APLF: variants seen among roughly 807,000 people sequenced by gnomAD.
The protein encoded by APLF is aprataxin and PNKP like factor.
Under a neutral mutation model 55.6 loss-of-function variants are expected in APLF, and 61 were observed. The observed-to-expected ratio is 1.10, with a 90% CI of 0.89 to 1.36. The LOEUF is 1.36. Ranked by LOEUF, APLF falls within the 40% of genes most tolerant of loss-of-function variation. The probability of loss-of-function intolerance (pLI) is 0.00; values close to 1 mark genes in which losing one functional copy is unlikely to be tolerated. For missense variants in APLF, 611 were observed against 602.5 expected, an observed-to-expected ratio of 1.01 and a Z score of -0.15; for synonymous variants, 207 against 214.8, an observed-to-expected ratio of 0.96 and a Z score of 0.32.
chr2:68,544,350 A>G (rs374936957), intron 7 of APLF, among the ~76,000 whole-genome samples: 1 of 152,150 alleles, frequency 6.6e-6, no homozygotes, highest in African/African-American at 2.4e-5. Flanking sequence ...CTCTCTCACA[A>G]GTGTACAGTG....
chr2:68,475,246 C>T, intron 1 of APLF, among the ~76,000 whole-genome samples: 1 of 152,156 alleles, frequency 6.6e-6, no homozygotes, highest in East Asian at 1.9e-4. Flanking sequence ...ATGATGTTCT[C>T]ACACTTGTGC....
intron 6 of APLF, among the ~76,000 whole-genome samples, chr2:68,533,864 A>G (rs1264403595): frequency 6.6e-6 from 1 of 152,230 alleles, no homozygotes; most frequent in Non-Finnish European, 1.5e-5. Flanking sequence ...CATAGGGTGA[A>G]GACAGCAGTG....
At chr2:68,516,748 T>C (rs1203681622) in intron 5 of APLF, among the ~76,000 whole-genome samples, 1 of 148,784 alleles carries the variant, frequency 6.7e-6, no homozygotes, top group Non-Finnish European at 1.5e-5. Context: ...ACATCCAGGT[T>C]GCTGCGAGTG....
intron 8 of APLF, among the ~76,000 whole-genome samples, chr2:68,561,688 A>G (rs940022278): frequency 6.6e-6 from 1 of 152,060 alleles, no homozygotes; most frequent in Admixed American, 6.6e-5. Context: ...TTTAATGAGT[A>G]CTTTGATTAT....
chr2:68,526,249 T>G lies in APLF; in HGVS notation c.804+7T>G. 6.3e-7 allele frequency: 1 copy of G among 1,596,748 alleles called. No homozygotes were observed. The highest frequency in any genetic ancestry group is 8.5e-7 in the Non-Finnish European group (1 of 1,173,638). ...GTCTACCATTTCATCCAAGGTGATT[T>G]TAAAAAATTCATTATTTGATTGTTT... On this transcript the variant is annotated splice_region_variant and intron_variant, in intron 6 of 9. Transcript: ENST00000303795.
At chr2:68,493,533 G>A (rs750771195) in intron 2 of APLF, among the ~76,000 whole-genome samples, 4 of 152,222 alleles carry the variant, frequency 2.6e-5, no homozygotes, top group Admixed American at 6.5e-5. Context: ...AAGAAACTTC[G>A]TTTATCAAAA....
At chr2:68,493,061 T>G (rs11891981) in intron 2 of APLF, among the ~76,000 whole-genome samples, 1,626 of 152,284 alleles carry the variant, frequency 0.011, 35 homozygotes, top group African/African-American at 0.037. Flanking sequence ...GTAGTATTTT[T>G]TTGTTGTTGT....
chr2:68,578,743 T>G lies in APLF; in HGVS notation c.*721T>G, dbSNP rs189907595. 4.1e-6 allele frequency: 4 copies of G among 985,312 alleles called. No homozygotes were observed. In the East Asian group the frequency reaches 4.5e-4, roughly 112 times the overall value. The allele number at this position is 985,312 out of a possible 1,614,324, so 61.0% of individuals were successfully genotyped here. A position where few individuals can be genotyped will look rare whatever the true frequency, so the allele number is the denominator to read the frequency against. ...TCAAACTAAAGTCCTAGCTGATTATTTTAACTCTCAGTGTGCTGTCTTTAT... is the reference window on the plus strand; with the variant it reads ...TCAAACTAAAGTCCTAGCTGATTATGTTAACTCTCAGTGTGCTGTCTTTAT... On this transcript the variant is annotated 3_prime_UTR_variant, in exon 10 of 10. Coordinates refer to ENST00000303795, the MANE Select transcript of APLF (RefSeq NM_173545.3).
intron 8 of APLF, among the ~76,000 whole-genome samples, chr2:68,560,577 A>T (rs1390979694): frequency 6.6e-6 from 1 of 152,184 alleles, no homozygotes; most frequent in Non-Finnish European, 1.5e-5. Flanking sequence ...CATTAAAATC[A>T]GAATAATGTT....
intron 1 of APLF, among the ~76,000 whole-genome samples, chr2:68,472,697 G>A (rs1410863357): frequency 6.6e-6 from 1 of 152,078 alleles, no homozygotes; most frequent in Non-Finnish European, 1.5e-5. Flanking sequence ...TAGGTGGAGT[G>A]GGTGGTGTAA....
Position 68,538,027 on chromosome 2 carries a change from G to A in APLF, c.960G>A (p.Glu320=). The A allele has an allele frequency of 1.2e-6, 2 of 1,614,042 alleles. No homozygotes were observed. The highest frequency in any genetic ancestry group is 2.2e-5 in the East Asian group (1 of 44,886). The change falls in exon 7 of 10, where the codon GAG becomes GAA. Residue 320 remains glutamate (E), a synonymous_variant. Coordinates refer to ENST00000303795, the MANE Select transcript of APLF (RefSeq NM_173545.3). ...ATKRTPHKED[E]AMSCSENCSS... is the part of the protein sequence containing the mutation. Reference sequence around the variant, plus strand: ...AAAGAACACCACATAAAGAAGATGAGGCAATGAGCTGTTCTGAAAATTGTT... The same window carrying A: ...AAAGAACACCACATAAAGAAGATGAAGCAATGAGCTGTTCTGAAAATTGTT...
intron 9 of APLF, chr2:68,568,322 G>A: frequency 1.0e-6 from 1 of 985,034 alleles, no homozygotes; most frequent in East Asian, 1.1e-4. Flanking sequence ...GCATTTATAT[G>A]TGCATACAAA....
intron 1 of APLF, among the ~76,000 whole-genome samples, chr2:68,488,137 G>A (rs1676241398): frequency 6.6e-6 from 1 of 152,178 alleles, no homozygotes; most frequent in Admixed American, 6.5e-5. Context: ...AGCTTTATAT[G>A]CCATAGTTTT....
At chr2:68,549,610 G>A (rs553599453) in intron 8 of APLF, among the ~76,000 whole-genome samples, 1 of 152,212 alleles carries the variant, frequency 6.6e-6, no homozygotes, top group Admixed American at 6.5e-5. Flanking sequence ...ACTTACATGT[G>A]TATTCTCTAG....
intron 8 of APLF, among the ~76,000 whole-genome samples, chr2:68,551,130 A>T (rs1191778574): frequency 6.6e-6 from 1 of 152,068 alleles, no homozygotes; most frequent in African/African-American, 2.4e-5. Flanking sequence ...ATGTAATTCT[A>T]GCTTAGCATA....
At chr2:68,547,660 A>C (rs905047498) in intron 8 of APLF, among the ~76,000 whole-genome samples, 1 of 151,830 alleles carries the variant, frequency 6.6e-6, no homozygotes, top group Admixed American at 6.6e-5. Context: ...AAAAAATAAA[A>C]TTTGACCCTT....
intron 7 of APLF, among the ~76,000 whole-genome samples, chr2:68,539,453 T>C (rs1670489087): frequency 6.6e-6 from 1 of 152,238 alleles, no homozygotes; most frequent in African/African-American, 2.4e-5. Context: ...TACATGTACC[T>C]TCCTGGTCTC....
intron 7 of APLF, among the ~76,000 whole-genome samples, chr2:68,539,784 C>G (rs535619621): frequency 6.6e-6 from 1 of 152,244 alleles, no homozygotes; most frequent in African/African-American, 2.4e-5. Context: ...AAACCAACAG[C>G]TAACTTCATA....
At position 68,478,149 on chromosome 2, in the gene APLF, G is replaced by A. The variant is rs371651924; in HGVS notation, c.96+10322G>A. On this transcript the variant is annotated intron_variant, in intron 1 of 9. Transcript: ENST00000303795. ...ATACTGGAAGTTCTCCCAAAAAGCAGAGAAAAATAATGGCAGAAAAAAAAA... is the reference window on the plus strand; with the variant it reads ...ATACTGGAAGTTCTCCCAAAAAGCAAAGAAAAATAATGGCAGAAAAAAAAA... 2.2e-3 allele frequency among the ~76,000 whole-genome samples: 332 copies of A among 150,132 alleles called. 2 individuals are homozygous for A. The highest frequency in any genetic ancestry group is 7.7e-3 in the African/African-American group (316 of 40,854).
Sources: gnomAD v4.1 joint callset for allele counts (sites outside exome capture counted in the v4.1 genomes callset) on GRCh38, gnomAD v4.1.1 for gene constraint, MANE v1.5 for transcripts, NCBI Gene and HGNC (gene_info 2026-07-23, HGNC 2026-07-21) for gene names.